ZCWPW2: variants seen among roughly 807,000 people sequenced by gnomAD.
ZCWPW2 encodes the protein zinc finger CW-type and PWWP domain containing 2.
Under a neutral mutation model 46.6 loss-of-function variants are expected in ZCWPW2, and 45 were observed. The observed-to-expected ratio is 0.96, with a 90% CI of 0.76 to 1.24. The LOEUF (loss-of-function observed/expected upper bound fraction) is 1.24. Among genes scored for constraint, ZCWPW2 ranks in the 50% most tolerant of loss-of-function variants. The pLI, the probability that ZCWPW2 is intolerant of heterozygous loss-of-function variation, is 0.00. For missense variants in ZCWPW2, 429 were observed against 403.9 expected (o/e 1.06, Z -0.53); for synonymous variants, 152 against 137.1 (o/e 1.11, Z -0.76).
chr3:28,438,087 G>A lies in ZCWPW2; in HGVS notation c.492+2818G>A, dbSNP rs758166305. ...TGGCAGACAGTTGCACATGTTTCTG[G>A]AGCATCTTGCACATAGCTTACAGGA... On this transcript the variant is annotated intron_variant, in intron 4 of 9. Transcript: ENST00000383768. Among the ~76,000 whole-genome samples the A allele has an allele frequency of 7.7e-4, 117 of 152,170 alleles. 2 individuals carry two copies. The highest frequency in any genetic ancestry group is 6.3e-3 in the Middle Eastern group (2 of 316).
intron 2 of ZCWPW2, among the ~76,000 whole-genome samples, chr3:28,408,154 G>A (rs140972383): frequency 3.3e-5 from 5 of 152,260 alleles, no homozygotes; most frequent in Admixed American, 6.5e-5. Context: ...CTTAGTGTTA[G>A]TTTATCTTCT....
chr3:28,510,889 A>G, intron 6 of ZCWPW2: 1 of 317,604 alleles, frequency 3.1e-6, no homozygotes, highest in South Asian at 2.6e-5. Flanking sequence ...AACACTGTGC[A>G]TGTCCACTGA....
rs773604147 is a variant in ZCWPW2, at chr3:28,354,382, G to A, written c.-134+5179G>A. On this transcript the variant is annotated intron_variant, in intron 1 of 9. Coordinates refer to ENST00000383768, the MANE Select transcript of ZCWPW2 (RefSeq NM_001040432.4). ...TAAAGAGCCTACCAATGAACAAAAA[G>A]TCTAGGACCAGACGGATTCACAGCC... is the stretch of plus-strand genomic sequence containing the variant. 1.3e-4 allele frequency among the ~76,000 whole-genome samples: 18 copies of A among 140,652 alleles called. 4 individuals are homozygous for A. The highest frequency in any genetic ancestry group is 7.6e-4 in the Admixed American group (10 of 13,166). 92.3% of individuals were successfully genotyped at this position (140,652 alleles called of 152,430 possible).
intron 8 of ZCWPW2, among the ~76,000 whole-genome samples, chr3:28,518,964 C>G (rs1700651106): frequency 6.6e-6 from 1 of 152,106 alleles, no homozygotes; most frequent in Admixed American, 6.6e-5. Context: ...ACTTACATTC[C>G]TCTAGAAAAT....
chr3:28,469,738 T>G (rs966603223), intron 4 of ZCWPW2, among the ~76,000 whole-genome samples: 1 of 151,450 alleles, frequency 6.6e-6, no homozygotes, highest in Non-Finnish European at 1.5e-5. Context: ...TATATATGTA[T>G]ATATATATGC....
At position 28,521,076 on chromosome 3, in the gene ZCWPW2, CAGA is replaced by C. The variant is rs1559538782; in HGVS notation, c.875_877del (p.Glu292del). The C allele has an allele frequency of 1.2e-6, 2 of 1,609,642 alleles. No individual in the cohort carries two copies. The highest frequency in any genetic ancestry group is 8.5e-7 in the Non-Finnish European group (1 of 1,178,838). ...CAACCCACAGCCACACCTGATGAAT[CAGA>C]AGAAGGACATGGAGAGGAAATAAAT... On this transcript the variant is annotated inframe_deletion, in exon 9 of 10. Transcript: ENST00000383768.
Position 28,450,790 on chromosome 3 carries a change from C to T in ZCWPW2, c.492+15521C>T, listed in dbSNP as rs187906658. On this transcript the variant is annotated intron_variant, in intron 4 of 9. Transcript: ENST00000383768. ...TGGGTGTTTATCCATTGTATTATGACGTTTACCCATATTGTCTAGGGAAAT... is the reference window on the plus strand; with the variant it reads ...TGGGTGTTTATCCATTGTATTATGATGTTTACCCATATTGTCTAGGGAAAT... Among the ~76,000 whole-genome samples, 24 of 152,166 alleles carry T rather than the reference C, an allele frequency of 1.6e-4. No homozygotes were observed. In the East Asian group the frequency reaches 1.9e-3, roughly 12 times the overall value.
chr3:28,370,027 G>A (rs1471095917), intron 1 of ZCWPW2, among the ~76,000 whole-genome samples: 1 of 152,228 alleles, frequency 6.6e-6, no homozygotes, highest in Non-Finnish European at 1.5e-5. Context: ...TAGGGTGGGA[G>A]TGACCTGATT....
intron 2 of ZCWPW2, among the ~76,000 whole-genome samples, chr3:28,409,438 C>G (rs1696309631): frequency 6.6e-6 from 1 of 152,162 alleles, no homozygotes; most frequent in Non-Finnish European, 1.5e-5. Flanking sequence ...CTCCCTTTCT[C>G]TCACTATCCT....
chr3:28,521,762 A>G (rs1254312836), intron 9 of ZCWPW2, among the ~76,000 whole-genome samples: 1 of 152,200 alleles, frequency 6.6e-6, no homozygotes, highest in Middle Eastern at 3.2e-3. Context: ...AAGAAGTCAT[A>G]GGGTAGACAC....
intron 6 of ZCWPW2, among the ~76,000 whole-genome samples, chr3:28,509,974 T>G (rs1575223310): frequency 6.6e-6 from 1 of 152,312 alleles, no homozygotes; most frequent in Non-Finnish European, 1.5e-5. Flanking sequence ...TTTGGTCCAT[T>G]TTAACTTTTA....
intron 4 of ZCWPW2, among the ~76,000 whole-genome samples, chr3:28,435,975 A>G (rs1043106838): frequency 9.2e-5 from 14 of 152,256 alleles, no homozygotes; most frequent in Middle Eastern, 3.4e-3. Context: ...TCAATTTCAA[A>G]TGGAATATTT....
At position 28,524,649 on chromosome 3, in the gene ZCWPW2, TA is replaced by T; in HGVS notation, c.1035del (p.Lys345AsnfsTer5). ...GAGAATGTATTGAGGATATAACTAA[TA>T]AATTTAAAGAAATAGATGCTTTGAT... ...AGECIEDITN[K>X]FKEIDALMSE... On this transcript the variant is annotated frameshift_variant, in exon 10 of 10. Transcript: ENST00000383768. LOFTEE classifies it high-confidence loss of function. 6.3e-7 allele frequency: 1 copy of T among 1,580,876 alleles called. No homozygotes were observed. Among genetic ancestry groups the T allele is most frequent in the Non-Finnish European group, 8.6e-7 (1 of 1,163,628 alleles).
chr3:28,400,272 C>A (rs1695868351), intron 2 of ZCWPW2, among the ~76,000 whole-genome samples: 1 of 151,706 alleles, frequency 6.6e-6, no homozygotes, highest in Non-Finnish European at 1.5e-5. Context: ...TGAACAAAGC[C>A]CAAAGAAGTC....
chr3:28,423,617 C>T (rs1696887075), intron 3 of ZCWPW2, among the ~76,000 whole-genome samples: 3 of 151,910 alleles, frequency 2.0e-5, no homozygotes, highest in Admixed American at 2.0e-4. Flanking sequence ...CCTCCCACCT[C>T]GGCCTCCCAA....
chr3:28,414,293 C>CA (rs1559495569), intron 3 of ZCWPW2, among the ~76,000 whole-genome samples: 1 of 151,342 alleles, frequency 6.6e-6, no homozygotes, highest in Non-Finnish European at 1.5e-5. Flanking sequence ...GTCAAAATTA[C>CA]AAAAAAATTT....
intron 2 of ZCWPW2, among the ~76,000 whole-genome samples, chr3:28,407,253 A>G (rs1249615991): frequency 6.6e-6 from 1 of 152,022 alleles, no homozygotes; most frequent in Non-Finnish European, 1.5e-5. Flanking sequence ...TAAGAAAATT[A>G]TTTTCTCATT....
At chr3:28,402,531 G>C (rs1045086087) in intron 2 of ZCWPW2, among the ~76,000 whole-genome samples, 1 of 152,104 alleles carries the variant, frequency 6.6e-6, no homozygotes, top group African/African-American at 2.4e-5. Flanking sequence ...AAGAAAGAGG[G>C]AACCTTTCCT....
chr3:28,513,504 G>T (rs2125833100), intron 6 of ZCWPW2, among the ~76,000 whole-genome samples: 1 of 151,938 alleles, frequency 6.6e-6, no homozygotes, highest in Admixed American at 6.6e-5. Flanking sequence ...TTCTTGTTAT[G>T]GACAGAAAAA....
Sources: allele counts gnomAD v4.1 joint callset (sites outside exome capture counted in the v4.1 genomes callset), GRCh38; gene constraint gnomAD v4.1.1; transcripts MANE v1.5; gene names NCBI Gene and HGNC (gene_info 2026-07-23, HGNC 2026-07-21).